The following ASTN1 variants were observed in gnomAD, a reference collection of about 807,000 sequenced individuals.
ASTN1 encodes the protein astrotactin-1.
Under a neutral mutation model 140.7 loss-of-function variants are expected in ASTN1, and 41 were observed. That is an observed-to-expected ratio of 0.29 (90% CI 0.23 to 0.38). ASTN1 has a LOEUF of 0.38. Among genes scored for constraint, ASTN1 ranks in the 10% least tolerant of loss-of-function variants. The pLI is 1.00. For synonymous variants in ASTN1, 640 were observed against 652.2 expected (o/e 0.98, Z 0.29); for missense variants, 1,479 against 1,678.8 (o/e 0.88, Z 2.08).
At chr1:176,895,250 C>T (rs1454842114) in intron 16 of ASTN1, among the ~76,000 whole-genome samples, 1 of 152,188 alleles carries the variant, frequency 6.6e-6, no homozygotes, top group African/African-American at 2.4e-5. Context: ...GCACATAACA[C>T]AATGGCTAAC....
At chr1:177,064,776 T>C (rs1433707309) in intron 1 of ASTN1, among the ~76,000 whole-genome samples, 1 of 152,228 alleles carries the variant, frequency 6.6e-6, no homozygotes, top group Non-Finnish European at 1.5e-5. Flanking sequence ...GATAGCTTCT[T>C]CCTTGGCTTT....
chr1:177,048,637 C>T (rs2102009276), intron 2 of ASTN1, among the ~76,000 whole-genome samples: 1 of 152,314 alleles, frequency 6.6e-6, no homozygotes, highest in East Asian at 1.9e-4. Flanking sequence ...TGGGAGATTT[C>T]CCCTTCCCAA....
Position 176,922,556 on chromosome 1 carries a change from CAA to C in ASTN1, c.2671+11594_2671+11595del, listed in dbSNP as rs71129589. Among the ~76,000 whole-genome samples, 438 of 77,524 alleles carry C rather than the reference CAA, an allele frequency of 5.6e-3. 5 individuals carry two copies. The highest frequency in any genetic ancestry group is 0.032 in the Middle Eastern group (4 of 124). 50.9% of individuals were successfully genotyped at this position (77,524 alleles called of 152,430 possible). A position where few individuals can be genotyped will look rare whatever the true frequency, so the allele number is the denominator to read the frequency against. The stretch of plus-strand genomic sequence containing the variant: ...ACAGTGTCCACTCCAGCCCCCACTG[CAA>C]AAAAAAAAAAAAAAAAAAAAAAATT... On this transcript the variant is annotated intron_variant, in intron 16 of 22. Coordinates refer to ENST00000361833, the MANE Select transcript of ASTN1 (RefSeq NM_004319.3).
chr1:177,044,846 T>G (rs979911091), intron 2 of ASTN1, among the ~76,000 whole-genome samples: 1 of 152,216 alleles, frequency 6.6e-6, no homozygotes, highest in Non-Finnish European at 1.5e-5. Context: ...CAAATCATAG[T>G]GTTCACAGAG....
At chr1:176,920,267 C>T (rs1047810929) in intron 16 of ASTN1, among the ~76,000 whole-genome samples, 1 of 152,084 alleles carries the variant, frequency 6.6e-6, no homozygotes, top group African/African-American at 2.4e-5. Context: ...CTTTCTCAGC[C>T]CCAGGGTATG....
chr1:176,870,337 C>T (rs909778880), intron 21 of ASTN1, among the ~76,000 whole-genome samples: 5 of 152,218 alleles, frequency 3.3e-5, no homozygotes, highest in African/African-American at 1.2e-4. Flanking sequence ...AGCTTGATTC[C>T]TGGTCAAACT....
rs182941269 is a variant in ASTN1 at position 176,945,403 on chromosome 1, T to C, written c.2249+523A>G. 1.4e-3 allele frequency among the ~76,000 whole-genome samples: 214 copies of C among 152,366 alleles called. 2 individuals are homozygous for C. Among genetic ancestry groups the C allele is most frequent in the African/African-American group, 4.9e-3 (205 of 41,590 alleles). Reference sequence around the variant, plus strand: ...TGAGAGAAGTAATATTTTATATTTTTTGCAAATTTAAAAAATATCTAACAA... The same window carrying C: ...TGAGAGAAGTAATATTTTATATTTTCTGCAAATTTAAAAAATATCTAACAA... On this transcript the variant is annotated intron_variant, in intron 13 of 22. Coordinates refer to ENST00000361833, the MANE Select transcript of ASTN1 (RefSeq NM_004319.3).
chr1:177,030,724 G>A, intron 4 of ASTN1, 82 bp downstream of exon 4: 3 of 1,552,374 alleles, frequency 1.9e-6, no homozygotes, highest in Non-Finnish European at 2.6e-6. Flanking sequence ...ACGCATGAGA[G>A]AATGGGTAGA....
intron 1 of ASTN1, among the ~76,000 whole-genome samples, chr1:177,163,491 T>A (rs1015355656): frequency 6.6e-6 from 1 of 152,042 alleles, no homozygotes; most frequent in African/African-American, 2.4e-5. Flanking sequence ...TGATTTGAAG[T>A]AATGTATGGG....
At chr1:177,014,757 T>C in intron 8 of ASTN1, 34 bp downstream of exon 8, 1 of 1,569,234 alleles carries the variant, frequency 6.4e-7, no homozygotes, top group East Asian at 2.2e-5. Context: ...CAGTGATATG[T>C]GGGAACCAGC....
chr1:176,972,800 T>A (rs1219303686), intron 8 of ASTN1, among the ~76,000 whole-genome samples: 1 of 152,200 alleles, frequency 6.6e-6, no homozygotes, highest in Non-Finnish European at 1.5e-5. Context: ...AACACACTTG[T>A]CAGTAATTAG....
intron 1 of ASTN1, among the ~76,000 whole-genome samples, chr1:177,161,878 A>T (rs1193877606): frequency 1.3e-5 from 2 of 152,168 alleles, no homozygotes; most frequent in African/African-American, 4.8e-5. Context: ...TATACCCCTT[A>T]ACAGCCATAC....
intron 1 of ASTN1, among the ~76,000 whole-genome samples, chr1:177,122,822 C>T (rs187085671): frequency 1.3e-5 from 2 of 152,182 alleles, no homozygotes; most frequent in Non-Finnish European, 2.9e-5. Context: ...TCTAAAAGGT[C>T]TTCTCAGTGA....
At chr1:177,157,233 G>T (rs758988195) in intron 1 of ASTN1, among the ~76,000 whole-genome samples, 18 of 152,122 alleles carry the variant, frequency 1.2e-4, no homozygotes, top group Non-Finnish European at 2.5e-4. Context: ...ACTGGGTATG[G>T]GGCATATGGA....
At chr1:176,946,768 C>A (rs1380644584) in intron 12 of ASTN1, among the ~76,000 whole-genome samples, 5 of 152,210 alleles carry the variant, frequency 3.3e-5, no homozygotes, top group African/African-American at 1.2e-4. Flanking sequence ...CATTAACCAA[C>A]AACTGCTTCC....
At chr1:177,089,873 T>C (rs1453636658) in intron 1 of ASTN1, among the ~76,000 whole-genome samples, 2 of 152,238 alleles carry the variant, frequency 1.3e-5, no homozygotes, top group East Asian at 3.9e-4. Context: ...AGAGGTATGA[T>C]CAGTCAGAGG....
rs545755703 is a variant in ASTN1, at chr1:177,058,748, G to A, written c.471+2330C>T. 3.2e-3 allele frequency among the ~76,000 whole-genome samples: 490 copies of A among 152,130 alleles called. 3 individuals carry two copies. The highest frequency in any genetic ancestry group is 5.8e-3 in the Non-Finnish European group (393 of 67,978). ...AGATGGTGTTTGGTTACATGAGTAA[G>A]TTCTTTAGTGGTGATTTGTAAGATT... On this transcript the variant is annotated intron_variant, in intron 2 of 22. Transcript: ENST00000361833.
At chr1:177,053,221 T>C (rs1218666373) in intron 2 of ASTN1, among the ~76,000 whole-genome samples, 2 of 152,210 alleles carry the variant, frequency 1.3e-5, no homozygotes, top group Non-Finnish European at 2.9e-5. Flanking sequence ...TGAAAGTAAA[T>C]TGCTAGCTTC....
intron 22 of ASTN1, among the ~76,000 whole-genome samples, chr1:176,864,793 A>G (rs1446749371): frequency 6.6e-6 from 1 of 152,200 alleles, no homozygotes; most frequent in Non-Finnish European, 1.5e-5. Context: ...TTTTAGTGGA[A>G]ATGCATGGCT....
Sources: gnomAD v4.1 joint callset for allele counts (sites outside exome capture counted in the v4.1 genomes callset) on GRCh38, gnomAD v4.1.1 for gene constraint, MANE v1.5 for transcripts, NCBI Gene and HGNC (gene_info 2026-07-23, HGNC 2026-07-21) for gene names.